Variants in TNRC6C observed in about 807,000 individuals in gnomAD.
The protein encoded by TNRC6C is trinucleotide repeat containing adaptor 6C, also known as trinucleotide repeat-containing gene 6C protein.
Under a neutral mutation model 153.7 loss-of-function variants are expected in TNRC6C, and 20 were observed. The ratio of observed to expected loss-of-function variants is 0.13; its 90% CI spans 0.09 to 0.19. The LOEUF (loss-of-function observed/expected upper bound fraction) is 0.19. TNRC6C is among the 10% of genes least tolerant of loss of function. The pLI is 1.00. For synonymous variants in TNRC6C, 811 were observed against 841.4 expected (o/e 0.96, Z 0.63); for missense variants, 1,987 against 2,172.0 (o/e 0.91, Z 1.69).
At chr17:77,959,598 C>T (rs889900263) in intron 1 of TNRC6C, among the ~76,000 whole-genome samples, 6 of 152,264 alleles carry the variant, frequency 3.9e-5, no homozygotes, top group Admixed American at 1.3e-4. Flanking sequence ...GGCAGCCCCC[C>T]GCAGATTTTG....
At chr17:78,064,792 C>T in exon 4 of TNRC6C, 2 of 1,613,914 alleles carry the variant, frequency 1.2e-6, no homozygotes, top group East Asian at 2.2e-5. Context: ...AACCATCCTC[C>T]CCTTCTACCC....
intron 13 of TNRC6C, among the ~76,000 whole-genome samples, chr17:78,089,739 G>A (rs2073361616): frequency 6.6e-6 from 1 of 152,198 alleles, no homozygotes; most frequent in Non-Finnish European, 1.5e-5. Flanking sequence ...TTCACTTTGA[G>A]TGGTGAAAGA....
intron 1 of TNRC6C, among the ~76,000 whole-genome samples, chr17:77,988,546 CTCT>C (rs1010989916): frequency 9.2e-5 from 14 of 152,242 alleles, no homozygotes; most frequent in Non-Finnish European, 1.8e-4. Flanking sequence ...TTTTGCTTTT[CTCT>C]TCTTTTATCT....
chr17:78,099,265 G>A (rs1438612956), intron 17 of TNRC6C, among the ~76,000 whole-genome samples: 1 of 152,200 alleles, frequency 6.6e-6, no homozygotes, highest in East Asian at 1.9e-4. Flanking sequence ...CTATGCTTGA[G>A]CCACTGCACT....
intron 13 of TNRC6C, among the ~76,000 whole-genome samples, chr17:78,087,421 A>G (rs1421397682): frequency 1.3e-5 from 2 of 152,112 alleles, no homozygotes; most frequent in African/African-American, 4.8e-5. Flanking sequence ...CCCAGCCTCA[A>G]GGATTTGTAA....
chr17:78,058,876 T>C (rs1283875355), intron 3 of TNRC6C, among the ~76,000 whole-genome samples: 2 of 152,238 alleles, frequency 1.3e-5, no homozygotes, highest in Non-Finnish European at 2.9e-5. Flanking sequence ...TGATATTTGC[T>C]TTAAAACTTA....
chr17:77,992,129 C>G (rs909928481), intron 1 of TNRC6C, among the ~76,000 whole-genome samples: 1 of 152,208 alleles, frequency 6.6e-6, no homozygotes, highest in Admixed American at 6.5e-5. Context: ...TTCACACTGT[C>G]TGCTGCCCTA....
At position 78,060,418 on chromosome 17, in the gene TNRC6C, A is replaced by G. The variant is rs535342560; in HGVS notation, c.2396-4304A>G. On this transcript the variant is annotated intron_variant, in intron 3 of 19. Coordinates refer to ENST00000301624, the Ensembl canonical transcript of TNRC6C. ...GTCAGTACCTTAAAAAGCCAAGCAC[A>G]TAGCAAGCACTCAATAAATGCCTGA... is the stretch of plus-strand genomic sequence containing the variant. 5.3e-5 allele frequency among the ~76,000 whole-genome samples: 8 copies of G among 151,834 alleles called. No homozygotes were observed. The South Asian group carries it at 1.7e-3, about 32-fold the overall frequency.
At chr17:78,096,122 C>T (rs1224950357) in intron 16 of TNRC6C, among the ~76,000 whole-genome samples, 1 of 152,218 alleles carries the variant, frequency 6.6e-6, no homozygotes, top group Non-Finnish European at 1.5e-5. Flanking sequence ...AGCTGACACC[C>T]TTTTAAAGTA....
At chr17:78,083,162 A>G (rs2144446370) in exon 11 of TNRC6C, 2 of 1,613,854 alleles carry the variant, frequency 1.2e-6, no homozygotes, top group Non-Finnish European at 1.7e-6. Flanking sequence ...TATCAGCTGC[A>G]GCTGGTGAGT....
In TNRC6C at chr17:78,083,038, G is replaced by A. The variant is rs1323090449; in HGVS notation, c.3358-9G>A. 6.2e-7 allele frequency: 1 copy of A among 1,613,584 alleles called. No individual in the cohort carries two copies. The highest frequency in any genetic ancestry group is 1.3e-5 in the African/African-American group (1 of 75,056). On this transcript the variant is annotated splice_polypyrimidine_tract_variant and intron_variant, in intron 10 of 19. Coordinates refer to ENST00000301624, the Ensembl canonical transcript of TNRC6C. Reference sequence around the variant, plus strand: ...TACAACGGCTAATAGTATATTTTATGTTAAACAGGTTCAAGCACAGCTTTT... The same window carrying A: ...TACAACGGCTAATAGTATATTTTATATTAAACAGGTTCAAGCACAGCTTTT...
chr17:77,968,112 A>G lies in TNRC6C; in HGVS notation c.-38+8844A>G, dbSNP rs1292911319. Among the ~76,000 whole-genome samples, 3 of 152,176 alleles carry G rather than the reference A, an allele frequency of 2.0e-5. No individual in the cohort carries two copies. In the East Asian group the frequency reaches 5.8e-4, roughly 29 times the overall value. On this transcript the variant is annotated intron_variant, in intron 1 of 22. Coordinates refer to the TNRC6C transcript ENST00000636222. Reference sequence around the variant, plus strand: ...GCTGTGGCATGGTCTCAGCTACTGCAACCTCTGCCTCTCAGGTTCAAGCGA... The same window carrying G: ...GCTGTGGCATGGTCTCAGCTACTGCGACCTCTGCCTCTCAGGTTCAAGCGA...
chr17:77,991,245 T>C lies in TNRC6C; in HGVS notation c.-37-12925T>C, dbSNP rs550265087. Among the ~76,000 whole-genome samples, 3 of 152,338 alleles carry C rather than the reference T, an allele frequency of 2.0e-5. No homozygotes were observed. The East Asian group carries it at 5.8e-4, about 29-fold the overall frequency. ...GTAGAGTCAAATCTCAGGGGCTTGA[T>C]GTATGTATTGTTTGTTCAAGTCACA... is the stretch of plus-strand genomic sequence containing the variant. On this transcript the variant is annotated intron_variant, in intron 1 of 22. Coordinates refer to the TNRC6C transcript ENST00000636222.
chr17:78,078,055 A>G (rs1260947275), intron 9 of TNRC6C, among the ~76,000 whole-genome samples: 1 of 152,152 alleles, frequency 6.6e-6, no homozygotes, highest in African/African-American at 2.4e-5. Context: ...CTAAGTAGAC[A>G]CTGTGAGGTG....
intron 2 of TNRC6C, among the ~76,000 whole-genome samples, chr17:78,034,134 A>ACCTCTG (rs2072132020): frequency 6.6e-6 from 1 of 151,608 alleles, no homozygotes; most frequent in South Asian, 2.1e-4. Flanking sequence ...GCTCACCACA[A>ACCTCTG]CCTCTGCCTC....
chr17:78,017,316 C>G (rs538771273), intron 1 of TNRC6C, among the ~76,000 whole-genome samples: 1 of 149,722 alleles, frequency 6.7e-6, no homozygotes, highest in East Asian at 1.9e-4. Flanking sequence ...CGTGCTCCCA[C>G]TCCTGCTCTC....
chr17:78,077,066 C>G (rs1350307377), intron 8 of TNRC6C, 119 bp from the exon 11 acceptor site: 3 of 1,189,406 alleles, frequency 2.5e-6, no homozygotes, highest in Non-Finnish European at 2.3e-6. Flanking sequence ...CTTATCCACA[C>G]TTTTTTGATC....
At chr17:78,047,544 A>AT (rs886450746) in intron 2 of TNRC6C, among the ~76,000 whole-genome samples, 32 of 151,958 alleles carry the variant, frequency 2.1e-4, no homozygotes, top group Non-Finnish European at 2.9e-4. Flanking sequence ...TCTAATGCTA[A>AT]TTTTTTTTGC....
At chr17:78,035,433 T>C (rs1342749203) in intron 2 of TNRC6C, among the ~76,000 whole-genome samples, 2 of 152,222 alleles carry the variant, frequency 1.3e-5, no homozygotes, top group Non-Finnish European at 2.9e-5. Flanking sequence ...GTCTTGCTTA[T>C]AGTAGGTGTT....
Sources: allele counts gnomAD v4.1 joint callset (sites outside exome capture counted in the v4.1 genomes callset), GRCh38; gene constraint gnomAD v4.1.1; transcripts MANE v1.5; gene names NCBI Gene and HGNC (gene_info 2026-07-23, HGNC 2026-07-21).